CRTAC1: variants seen among roughly 807,000 people sequenced by gnomAD.
CRTAC1 encodes the protein cartilage acidic protein 1.
Under a neutral mutation model 67.8 loss-of-function variants are expected in CRTAC1, and 37 were observed. That is an observed-to-expected ratio of 0.55 (90% CI 0.42 to 0.72). CRTAC1 has a LOEUF of 0.72. Among genes scored for constraint, CRTAC1 ranks in the 30% least tolerant of loss-of-function variants. The pLI is 0.00. For synonymous variants in CRTAC1, 348 were observed against 371.0 expected, an observed-to-expected ratio of 0.94 and a Z score of 0.71; for missense variants, 780 against 931.6, an observed-to-expected ratio of 0.84 and a Z score of 2.12.
At chr10:98,009,033 C>T (rs1418228569) in intron 2 of CRTAC1, among the ~76,000 whole-genome samples, 1 of 152,162 alleles carries the variant, frequency 6.6e-6, no homozygotes, top group Non-Finnish European at 1.5e-5. Context: ...CAGAGAGCAA[C>T]TGGACAGTCA....
intron 2 of CRTAC1, among the ~76,000 whole-genome samples, chr10:97,957,628 AAC>A (rs1410310702): frequency 6.6e-6 from 1 of 152,180 alleles, no homozygotes; most frequent in Non-Finnish European, 1.5e-5. Flanking sequence ...TCACGTTCTT[AAC>A]ACAGTTTTCT....
chr10:97,899,793 G>T (rs2050508447), intron 8 of CRTAC1, among the ~76,000 whole-genome samples: 2 of 152,146 alleles, frequency 1.3e-5, no homozygotes, highest in Non-Finnish European at 2.9e-5. Flanking sequence ...CCGAGCCAGT[G>T]ATCTGGCCCA....
intron 14 of CRTAC1, chr10:97,867,590 A>ACCGCAGC (rs1362878363): frequency 6.6e-6 from 1 of 152,250 alleles, no homozygotes; most frequent in Non-Finnish European, 1.5e-5. Context: ...AGTGGGCTCC[A>ACCGCAGC]CCGCAGCCCC....
At chr10:97,994,877 C>G (rs887792998) in intron 2 of CRTAC1, among the ~76,000 whole-genome samples, 4 of 152,186 alleles carry the variant, frequency 2.6e-5, no homozygotes, top group African/African-American at 9.7e-5. Flanking sequence ...AGGAGCAGAT[C>G]CGGCCACCTT....
At chr10:97,870,580 TTGTC>T (rs1392337780) in intron 14 of CRTAC1, 1 of 152,194 alleles carries the variant, frequency 6.6e-6, no homozygotes, top group Admixed American at 6.5e-5. Flanking sequence ...AGCTGTGTAT[TTGTC>T]TGTACTGGTG....
intron 2 of CRTAC1, among the ~76,000 whole-genome samples, chr10:97,976,573 T>C (rs1271862284): frequency 6.6e-6 from 1 of 152,236 alleles, no homozygotes; most frequent in Non-Finnish European, 1.5e-5. Flanking sequence ...AAGACCTTAC[T>C]ACATCGCAGC....
intron 1 of CRTAC1, among the ~76,000 whole-genome samples, chr10:98,021,951 G>T (rs892537856): frequency 6.6e-6 from 1 of 152,198 alleles, no homozygotes; most frequent in Non-Finnish European, 1.5e-5. Flanking sequence ...TTGAGAAGAT[G>T]CCTATGGGCC....
intron 3 of CRTAC1, among the ~76,000 whole-genome samples, chr10:97,926,214 A>G (rs879336049): frequency 2.6e-5 from 4 of 152,188 alleles, no homozygotes; most frequent in Non-Finnish European, 5.9e-5. Flanking sequence ...GCCTGGATGC[A>G]CAGGGGGGAA....
rs116590521 is a variant in CRTAC1, at chr10:97,895,437, C to A, written c.1318-24G>T. On this transcript the variant is annotated intron_variant, in intron 10 of 14. Coordinates refer to ENST00000370597, the MANE Select transcript of CRTAC1 (RefSeq NM_018058.7). This position sits in a 1 kb window ranked among gnomAD's most constrained non-coding sequence, Gnocchi z 4.2. The stretch of plus-strand genomic sequence containing the variant: ...CCCTGCAGAGAGGGTGAGAGGCAGA[C>A]ACCCGGTGGGCATCAGCATGGTGGG... The A allele has an allele frequency of 8.9e-6, 14 of 1,564,700 alleles. No individual in the cohort carries two copies. Among genetic ancestry groups the A allele is most frequent in the Non-Finnish European group, 1.2e-5 (14 of 1,156,776 alleles).
chr10:97,973,652 T>C (rs1282244037), intron 2 of CRTAC1, among the ~76,000 whole-genome samples: 4 of 152,308 alleles, frequency 2.6e-5, no homozygotes, highest in South Asian at 4.1e-4. Flanking sequence ...TTATGTTCTC[T>C]GAGCTTTCTG....
intron 2 of CRTAC1, among the ~76,000 whole-genome samples, chr10:98,002,923 C>T (rs1033279332): frequency 8.6e-5 from 13 of 150,992 alleles, no homozygotes; most frequent in Admixed American, 2.6e-4. Flanking sequence ...GGACTACAGG[C>T]GCCCGCCACC....
rs1385447711 is a variant in CRTAC1 at position 97,865,232 on chromosome 10, A to T, written c.*316T>A. 1 of 272,080 alleles carries T rather than the reference A, an allele frequency of 3.7e-6. No homozygotes were observed. Among genetic ancestry groups the T allele is most frequent in the African/African-American group, 2.2e-5 (1 of 46,082 alleles). 16.9% of individuals were successfully genotyped at this position (272,080 alleles called of 1,614,324 possible). On this transcript the variant is annotated 3_prime_UTR_variant, in exon 15 of 15. Transcript: ENST00000370597. ...CTGAATCAGGATTTGAACTCAGGAC[A>T]CTAAAGTCCTCATACTTCCTGTGCA... is the stretch of plus-strand genomic sequence containing the variant.
intron 5 of CRTAC1, among the ~76,000 whole-genome samples, chr10:97,916,447 C>T (rs1314534306): frequency 1.3e-5 from 2 of 152,194 alleles, no homozygotes; most frequent in African/African-American, 4.8e-5. Context: ...TTAATCTCCC[C>T]CTTTCACCAG....
At chr10:97,953,727 C>A (rs1346896106) in intron 2 of CRTAC1, among the ~76,000 whole-genome samples, 1 of 152,210 alleles carries the variant, frequency 6.6e-6, no homozygotes, top group Non-Finnish European at 1.5e-5. Flanking sequence ...AGTCACACCA[C>A]TGGAAAATGT....
At position 97,895,165 on chromosome 10, in the gene CRTAC1, A is replaced by C; in HGVS notation, c.1486+80T>G. 7.0e-7 allele frequency: 1 copy of C among 1,419,630 alleles called. No individual in the cohort carries two copies. 87.9% of individuals were successfully genotyped at this position (1,419,630 alleles called of 1,614,324 possible). On this transcript the variant is annotated intron_variant, in intron 11 of 14. Coordinates refer to ENST00000370597, the MANE Select transcript of CRTAC1 (RefSeq NM_018058.7). This position sits in a 1 kb window ranked among gnomAD's most constrained non-coding sequence, Gnocchi z 4.2. ...GTCACAGTAGAGCGGAGCGGTGCCC[A>C]AGGATGCTCGGGCTGTGAGTCCCTG...
At chr10:97,956,995 T>C (rs77133348) in intron 2 of CRTAC1, among the ~76,000 whole-genome samples, 5 of 151,578 alleles carry the variant, frequency 3.3e-5, no homozygotes, top group Non-Finnish European at 5.9e-5. Flanking sequence ...TTTTTTTTTT[T>C]GGCAGAGATA....
chr10:98,000,623 C>T (rs751173464), intron 2 of CRTAC1, among the ~76,000 whole-genome samples: 19 of 152,208 alleles, frequency 1.2e-4, no homozygotes, highest in South Asian at 4.1e-4. Flanking sequence ...GTGGGCGGAG[C>T]GAGCCCATCA....
chr10:97,872,253 AG>A (rs1413356514), intron 14 of CRTAC1, among the ~76,000 whole-genome samples: 8 of 152,158 alleles, frequency 5.3e-5, no homozygotes, highest in African/African-American at 1.9e-4. Flanking sequence ...CCCTAGGGCA[AG>A]GTGCCACTGA....
At chr10:97,912,520 C>A (rs995826060) in intron 5 of CRTAC1, among the ~76,000 whole-genome samples, 1 of 152,198 alleles carries the variant, frequency 6.6e-6, no homozygotes, top group Non-Finnish European at 1.5e-5. Flanking sequence ...AGCCCTGGCA[C>A]GCTGGCAATG....
Sources: allele counts gnomAD v4.1 joint callset (sites outside exome capture counted in the v4.1 genomes callset), GRCh38; gene constraint gnomAD v4.1.1; non-coding constraint Gnocchi (gnomAD v3.1); transcripts MANE v1.5; gene names NCBI Gene and HGNC (gene_info 2026-07-23, HGNC 2026-07-21).